The following MYO1D variants were observed in gnomAD, a reference collection of about 807,000 sequenced individuals.
MYO1D encodes unconventional myosin-Id.
A neutral mutation model predicts 122.0 loss-of-function variants in MYO1D; 83 were observed. The observed-to-expected ratio is 0.68, with a 90% CI of 0.57 to 0.82. The LOEUF is 0.82. MYO1D is among the 40% of genes least tolerant of loss of function. The pLI, the probability that MYO1D is intolerant of heterozygous loss-of-function variation, is 0.00. For synonymous variants in MYO1D, 464 were observed against 446.9 expected (o/e 1.04, Z -0.48); for missense variants, 1,157 against 1,269.5 (o/e 0.91, Z 1.35).
At chr17:32,772,892 T>C in intron 4 of MYO1D, 50 bp from the exon 5 acceptor site, 1 of 1,489,286 alleles carries the variant, frequency 6.7e-7, no homozygotes, top group Non-Finnish European at 9.4e-7. Context: ...GCCCCTAAAA[T>C]AAAACAGGAG....
intron 20 of MYO1D, among the ~76,000 whole-genome samples, chr17:32,609,261 T>C (rs557527846): frequency 4.2e-4 from 64 of 152,334 alleles, no homozygotes; most frequent in African/African-American, 1.4e-3. Flanking sequence ...GTTCTTCTAT[T>C]GCATAAAATA....
At chr17:32,804,731 C>A (rs991868105) in intron 1 of MYO1D, among the ~76,000 whole-genome samples, 4 of 152,170 alleles carry the variant, frequency 2.6e-5, no homozygotes, top group Non-Finnish European at 5.9e-5. Context: ...GGGTTCCAGT[C>A]TGCAAACTGT....
intron 1 of MYO1D, among the ~76,000 whole-genome samples, chr17:32,857,539 C>A (rs2091037172): frequency 6.7e-6 from 1 of 150,082 alleles, no homozygotes; most frequent in African/African-American, 2.5e-5. Flanking sequence ...GAGCCGAGAT[C>A]GCACCACTGC....
chr17:32,858,179 C>T (rs2091042640), intron 1 of MYO1D, among the ~76,000 whole-genome samples: 1 of 152,170 alleles, frequency 6.6e-6, no homozygotes, highest in African/African-American at 2.4e-5. Flanking sequence ...GAACCTTTAA[C>T]TCCAGTTTCA....
At chr17:32,516,748 T>C (rs1296660529) in intron 21 of MYO1D, among the ~76,000 whole-genome samples, 2 of 152,252 alleles carry the variant, frequency 1.3e-5, no homozygotes, top group South Asian at 2.1e-4. Flanking sequence ...ACAGCTTTAG[T>C]GGCTTCTAAT....
intron 2 of MYO1D, 128 bp from the exon 3 acceptor site, chr17:32,778,701 T>C: frequency 1.2e-6 from 1 of 866,990 alleles, no homozygotes; most frequent in Non-Finnish European, 1.8e-6. Context: ...CACTGTTTCA[T>C]TTTTTTGCTT....
At chr17:32,530,566 C>G (rs1045966727) in intron 21 of MYO1D, among the ~76,000 whole-genome samples, 4 of 152,064 alleles carry the variant, frequency 2.6e-5, no homozygotes, top group African/African-American at 9.7e-5. Flanking sequence ...TTTGGGAGGC[C>G]GAGGTGGGAG....
intron 1 of MYO1D, among the ~76,000 whole-genome samples, chr17:32,809,302 T>C (rs2056805362): frequency 6.6e-6 from 1 of 152,130 alleles, no homozygotes; most frequent in Non-Finnish European, 1.5e-5. Flanking sequence ...TTGTTTTTTA[T>C]TCTATAGACA....
intron 17 of MYO1D, chr17:32,658,875 C>A: frequency 1.9e-6 from 1 of 530,050 alleles, no homozygotes; most frequent in Non-Finnish European, 3.4e-6. Flanking sequence ...TGGCTTGTGT[C>A]CAGGGGTTGT....
intron 16 of MYO1D, among the ~76,000 whole-genome samples, chr17:32,679,654 T>G (rs1457343832): frequency 6.6e-6 from 1 of 152,234 alleles, no homozygotes; most frequent in Non-Finnish European, 1.5e-5. Flanking sequence ...GCTGTTTTGG[T>G]TACTGTAGCC....
chr17:32,576,204 T>C (rs893444598), intron 21 of MYO1D, among the ~76,000 whole-genome samples: 4 of 152,216 alleles, frequency 2.6e-5, no homozygotes, highest in African/African-American at 9.6e-5. Flanking sequence ...AGCTTGCTAC[T>C]CTGCCCCACT....
chr17:32,649,830 C>T (rs1357157424), intron 19 of MYO1D, among the ~76,000 whole-genome samples: 1 of 152,128 alleles, frequency 6.6e-6, no homozygotes, highest in African/African-American at 2.4e-5. Flanking sequence ...CCTCAGCCTC[C>T]CAAAGTGTTG....
chr17:32,501,171 C>A (rs1909306370), intron 21 of MYO1D, among the ~76,000 whole-genome samples: 1 of 152,064 alleles, frequency 6.6e-6, no homozygotes, highest in Non-Finnish European at 1.5e-5. Context: ...CACTGTTTAC[C>A]AAAGGTAGCA....
At chr17:32,581,253 C>T (rs141429122) in intron 21 of MYO1D, among the ~76,000 whole-genome samples, 255 of 152,078 alleles carry the variant, frequency 1.7e-3, no homozygotes, top group African/African-American at 5.5e-3. Context: ...TCTTTTGTTA[C>T]GCAGTTAATA....
At chr17:32,610,421 T>C (rs1277770705) in intron 20 of MYO1D, among the ~76,000 whole-genome samples, 1 of 152,244 alleles carries the variant, frequency 6.6e-6, no homozygotes, top group Non-Finnish European at 1.5e-5. Flanking sequence ...AAGTCCCTAT[T>C]GTTGCCAAAG....
At chr17:32,654,696 C>CT in intron 17 of MYO1D, 75 bp from the exon 18 acceptor site, 1 of 1,305,210 alleles carries the variant, frequency 7.7e-7, no homozygotes. Flanking sequence ...TTTTTTTTTT[C>CT]TTTTTTGAGT....
chr17:32,549,357 A>C (rs2086991065), intron 21 of MYO1D, among the ~76,000 whole-genome samples: 1 of 124,990 alleles, frequency 8.0e-6, no homozygotes, highest in African/African-American at 2.6e-5. Flanking sequence ...CAGTCTCCCA[A>C]AGTGCTGGGA....
chr17:32,653,772 G>T, intron 19 of MYO1D, 71 bp downstream of exon 19: 1 of 1,307,518 alleles, frequency 7.6e-7, no homozygotes, highest in Non-Finnish European at 1.1e-6. Flanking sequence ...TTTTATTACA[G>T]GCTTGCTTAA....
intron 21 of MYO1D, among the ~76,000 whole-genome samples, chr17:32,604,437 C>T (rs1313851611): frequency 6.6e-6 from 1 of 152,176 alleles, no homozygotes; most frequent in Non-Finnish European, 1.5e-5. Flanking sequence ...AATCCAATCT[C>T]TGAAACAACT....
Sources: gnomAD v4.1 joint callset for allele counts (sites outside exome capture counted in the v4.1 genomes callset) on GRCh38, gnomAD v4.1.1 for gene constraint, MANE v1.5 for transcripts, NCBI Gene and HGNC (gene_info 2026-07-23, HGNC 2026-07-21) for gene names.